Variants in AP1B1 observed in about 807,000 individuals in gnomAD.
AP1B1 encodes adaptor related protein complex 1 subunit beta 1, also known as AP-1 complex subunit beta-1.
AP1B1 carries 36 observed loss-of-function variants against 104.3 expected under a neutral mutation model. That is an observed-to-expected ratio of 0.35 (90% CI 0.26 to 0.46). The LOEUF is 0.46. Among genes scored for constraint, AP1B1 ranks in the 20% least tolerant of loss-of-function variants. The probability of loss-of-function intolerance (pLI) is 1.00; values close to 1 mark genes in which losing one functional copy is unlikely to be tolerated. For missense variants in AP1B1, 901 were observed against 1,247.9 expected, an observed-to-expected ratio of 0.72 and a Z score of 4.19; for synonymous variants, 504 against 517.5, an observed-to-expected ratio of 0.97 and a Z score of 0.35.
rs762484103 is a variant in AP1B1, at chr22:29,334,492, TTCTC to T, written c.2164-86_2164-83del. On this transcript the variant is annotated intron_variant, in intron 16 of 22. Coordinates refer to ENST00000357586, the MANE Select transcript of AP1B1 (RefSeq NM_001127.4). Reference sequence around the variant, plus strand: ...TCAACAGCCCACCTGAGGGTGCTTTTTCTCTCTCTCTCCTGCAGGGGCCTCCCAG... The same window carrying T: ...TCAACAGCCCACCTGAGGGTGCTTTTTCTCTCTCCTGCAGGGGCCTCCCAG... The T allele has an allele frequency of 6.3e-4, 931 of 1,466,822 alleles. 4 individuals are homozygous for T. The Middle Eastern group carries it at 0.013, about 21-fold the overall frequency. 90.9% of individuals were successfully genotyped at this position (1,466,822 alleles called of 1,614,324 possible).
intron 1 of AP1B1, among the ~76,000 whole-genome samples, chr22:29,381,178 C>G (rs1211589773): frequency 1.3e-5 from 2 of 152,160 alleles, no homozygotes; most frequent in East Asian, 3.9e-4. Flanking sequence ...GTCATCTTCT[C>G]ATTGAGGCCT....
At chr22:29,331,714 C>A in intron 18 of AP1B1, 73 bp downstream of exon 18, 47 of 1,613,128 alleles carry the variant, frequency 2.9e-5, no homozygotes, top group Non-Finnish European at 4.0e-5. Flanking sequence ...CAGACACGAC[C>A]TTCTACTGAC....
intron 6 of AP1B1, 97 bp from the exon 7 acceptor site, chr22:29,354,968 G>C: frequency 9.3e-7 from 1 of 1,071,718 alleles, no homozygotes; most frequent in Non-Finnish European, 1.4e-6. Context: ...AGGCGTGATA[G>C]TTCACGCCTG....
intron 17 of AP1B1, among the ~76,000 whole-genome samples, chr22:29,334,022 G>A (rs1307947634): frequency 3.9e-5 from 6 of 152,190 alleles, no homozygotes; most frequent in Non-Finnish European, 7.4e-5. Context: ...CCGAGATGGC[G>A]CTGCTGCACT....
At chr22:29,356,048 G>A (rs138889754) in intron 6 of AP1B1, among the ~76,000 whole-genome samples, 47 of 152,278 alleles carry the variant, frequency 3.1e-4, no homozygotes, top group African/African-American at 1.1e-3. Context: ...TGGAAAGTGG[G>A]GGATGATGAT....
chr22:29,364,884 T>C (rs1331904483), intron 2 of AP1B1, among the ~76,000 whole-genome samples: 2 of 152,008 alleles, frequency 1.3e-5, no homozygotes, highest in South Asian at 2.1e-4. Context: ...AATTTTTGTA[T>C]TTTTAGTAGA....
At chr22:29,342,762 A>C (rs1190335636) in intron 11 of AP1B1, among the ~76,000 whole-genome samples, 2 of 152,156 alleles carry the variant, frequency 1.3e-5, no homozygotes, top group African/African-American at 4.8e-5. Context: ...AAGTGGCGAC[A>C]GTCCCATGGA....
chr22:29,359,911 C>T lies in AP1B1; in HGVS notation c.192G>A (p.Glu64=). 2 of 1,614,118 alleles carry T rather than the reference C, an allele frequency of 1.2e-6. No homozygotes were observed. The highest frequency in any genetic ancestry group is 1.7e-6 in the Non-Finnish European group (2 of 1,179,996). The change falls in exon 4 of 23, where the codon GAG becomes GAA. Residue 64 remains glutamate (E), a synonymous_variant. Coordinates refer to ENST00000357586, the MANE Select transcript of AP1B1 (RefSeq NM_001127.4). The part of the protein sequence containing the change: ...VVNCMQTDNL[E]LKKLVYLYLM... Reference sequence around the variant, plus strand: ...AGTAGAGGTATACTAGCTTCTTCAGCTCCAGGTTGTCCGTCTGCATGCAGT... The same window carrying T: ...AGTAGAGGTATACTAGCTTCTTCAGTTCCAGGTTGTCCGTCTGCATGCAGT...
rs1407686604 is a variant in AP1B1, at chr22:29,350,685, A to T, written c.1155+486T>A. Among the ~76,000 whole-genome samples, 3 of 152,112 alleles carry T rather than the reference A, an allele frequency of 2.0e-5. No homozygotes were observed. The East Asian group carries it at 5.8e-4, about 29-fold the overall frequency. On this transcript the variant is annotated intron_variant, in intron 9 of 22. Transcript: ENST00000357586. ...ACTGTAGCCACCAGTGGACCCATTT[A>T]AGGAGAATCTGGCTTAGTGGTCGAG...
chr22:29,384,002 G>C (rs2062480663), intron 1 of AP1B1, among the ~76,000 whole-genome samples: 1 of 152,146 alleles, frequency 6.6e-6, no homozygotes, highest in Non-Finnish European at 1.5e-5. Flanking sequence ...CTATATAAGA[G>C]GGGACAATCT....
At chr22:29,360,961 ATG>A (rs1185356970) in intron 3 of AP1B1, among the ~76,000 whole-genome samples, 1 of 152,200 alleles carries the variant, frequency 6.6e-6, no homozygotes, top group Non-Finnish European at 1.5e-5. Context: ...GCCAAAATTT[ATG>A]TGTCACCTTG....
At chr22:29,346,530 C>T (rs566441515) in intron 11 of AP1B1, among the ~76,000 whole-genome samples, 1 of 152,338 alleles carries the variant, frequency 6.6e-6, no homozygotes, top group East Asian at 1.9e-4. Flanking sequence ...CTATGAGAAT[C>T]TAATGCCGCC....
chr22:29,356,606 T>C lies in AP1B1; in HGVS notation c.536A>G (p.Asn179Ser), dbSNP rs1160070097. 4 of 1,614,012 alleles carry C rather than the reference T, an allele frequency of 2.5e-6. No individual in the cohort carries two copies. Among genetic ancestry groups the C allele is most frequent in the South Asian group, 1.1e-5 (1 of 91,058 alleles). Residue 179 changes from asparagine to serine, a missense_variant, in exon 6 of 23, where the codon AAT becomes AGT. Asn to Ser is a conservative substitution (Grantham distance 46). Around this residue, in one of 3 missense-constraint regions of AP1B1, gnomAD observed 471 missense variants for 696.7 expected, o/e 0.68. Coordinates refer to ENST00000357586, the MANE Select transcript of AP1B1 (RefSeq NM_001127.4). ...ISDSNPMVVA[N>S]AVAALSEIAE... is the part of the protein sequence containing the mutation. ...AATTTCTGAGAGCGCTGCCACTGCATTGGCCACCACCTGGTTGAGAGGGTG... is the reference window on the plus strand; with the variant it reads ...AATTTCTGAGAGCGCTGCCACTGCACTGGCCACCACCTGGTTGAGAGGGTG...
intron 18 of AP1B1, 94 bp downstream of exon 18, chr22:29,331,693 G>A: frequency 6.2e-7 from 1 of 1,606,334 alleles, no homozygotes. Context: ...GCAGCTAAGA[G>A]CATGACTCCG....
At chr22:29,329,176 G>A in intron 22 of AP1B1, 15 of 1,276,062 alleles carry the variant, frequency 1.2e-5, no homozygotes, top group Non-Finnish European at 1.3e-5. Context: ...GAGGCTGCCA[G>A]GGAGTGCCCG....
rs2061849537 is a variant in AP1B1, at chr22:29,350,005, T to C, written c.1271+30A>G. 1.9e-6 allele frequency: 3 copies of C among 1,550,518 alleles called. No individual in the cohort carries two copies. In the African/African-American group the frequency reaches 4.1e-5, roughly 21 times the overall value. ...ATCCCTGTCCCCAGGCAGAGCTAGA[T>C]GCCCTCTCCCTAGGAGGGCGGGCAC... is the stretch of plus-strand genomic sequence containing the variant. On this transcript the variant is annotated intron_variant, in intron 10 of 22. Coordinates refer to ENST00000357586, the MANE Select transcript of AP1B1 (RefSeq NM_001127.4).
chr22:29,345,883 T>C (rs1294684905), intron 11 of AP1B1, among the ~76,000 whole-genome samples: 1 of 151,942 alleles, frequency 6.6e-6, no homozygotes, highest in Non-Finnish European at 1.5e-5. Context: ...CGGGGTTTCA[T>C]TATGTTGGTC....
intron 1 of AP1B1, among the ~76,000 whole-genome samples, chr22:29,375,894 C>T (rs1390448743): frequency 6.6e-6 from 1 of 152,224 alleles, no homozygotes; most frequent in Non-Finnish European, 1.5e-5. Flanking sequence ...CTACCTCTCC[C>T]CATCCTCACC....
At chr22:29,363,240 G>T (rs1018106113) in intron 2 of AP1B1, 134 bp from the exon 3 acceptor site, 2 of 613,804 alleles carry the variant, frequency 3.3e-6, no homozygotes, top group African/African-American at 1.8e-5. Flanking sequence ...AGCTTCAGGC[G>T]CCTGGCCTCA....
Sources: allele counts gnomAD v4.1 joint callset (sites outside exome capture counted in the v4.1 genomes callset), GRCh38; gene constraint gnomAD v4.1.1; regional missense constraint gnomAD v4.1.1; transcripts MANE v1.5; gene names NCBI Gene and HGNC (gene_info 2026-07-23, HGNC 2026-07-21).